GRM1: variants seen among roughly 807,000 people sequenced by gnomAD.
The protein encoded by GRM1 is metabotropic glutamate receptor 1.
Under a neutral mutation model 90.9 loss-of-function variants are expected in GRM1, and 33 were observed. The observed-to-expected ratio is 0.36, with a 90% CI of 0.28 to 0.49. The LOEUF (loss-of-function observed/expected upper bound fraction) is 0.49. Among genes scored for constraint, GRM1 ranks in the 20% least tolerant of loss-of-function variants. The pLI, the probability that GRM1 is intolerant of heterozygous loss-of-function variation, is 0.99. For synonymous variants in GRM1, 700 were observed against 613.2 expected, an observed-to-expected ratio of 1.14 and a Z score of -2.09; for missense variants, 1,190 against 1,534.3, an observed-to-expected ratio of 0.78 and a Z score of 3.75.
At chr6:146,140,241 T>C (rs1309428412) in intron 1 of GRM1, among the ~76,000 whole-genome samples, 4 of 150,370 alleles carry the variant, frequency 2.7e-5, no homozygotes, top group African/African-American at 9.8e-5. Context: ...ATTTCTTGCT[T>C]TTTATTTTTT....
intron 3 of GRM1, among the ~76,000 whole-genome samples, chr6:146,310,231 G>A (rs1447600348): frequency 6.6e-6 from 1 of 152,124 alleles, no homozygotes; most frequent in Non-Finnish European, 1.5e-5. Context: ...ATTTTAGACT[G>A]ATACTAATTT....
chr6:146,434,598 G>C lies in GRM1; in HGVS notation c.3387G>C (p.Glu1129Asp), dbSNP rs752021652. ...AAGACGAACTGGAAGAGGAGGAGGA[G>C]GACCTGCAGGCGGCCAGCAAACTGA... ...TEEDELEEEE[E>D]DLQAASKLTP... is the part of the protein sequence containing the mutation. The change falls in exon 8 of 8, where the codon GAG (glutamate) becomes GAC (aspartate). Residue 1129 changes from glutamate to aspartate, a missense_variant. This residue lies in a region of GRM1 where 400 missense variants were observed against 360.8 expected (regional missense o/e 1.11). Coordinates refer to ENST00000282753, the MANE Select transcript of GRM1 (RefSeq NM_001278064.2). 3 of 1,613,572 alleles carry C rather than the reference G, an allele frequency of 1.9e-6. No individual in the cohort carries two copies. The South Asian group carries it at 3.3e-5, about 18-fold the overall frequency.
intron 2 of GRM1, among the ~76,000 whole-genome samples, chr6:146,218,780 C>T (rs2114669418): frequency 6.6e-6 from 1 of 152,226 alleles, no homozygotes; most frequent in East Asian, 1.9e-4. Flanking sequence ...TCTGGAGGCT[C>T]ACTAGGTGCA....
At chr6:146,433,739 G>C in intron 7 of GRM1, 133 bp from the exon 8 acceptor site, 1 of 708,722 alleles carries the variant, frequency 1.4e-6, no homozygotes, top group South Asian at 1.6e-5. Context: ...GGAGGTATGG[G>C]GTGCTGGAGC....
At chr6:146,269,629 A>G (rs1782039706) in intron 2 of GRM1, among the ~76,000 whole-genome samples, 1 of 152,166 alleles carries the variant, frequency 6.6e-6, no homozygotes, top group Non-Finnish European at 1.5e-5. Flanking sequence ...TTACCACCTG[A>G]GCTGGCCTCC....
At chr6:146,298,422 T>C (rs374557869) in intron 2 of GRM1, among the ~76,000 whole-genome samples, 1 of 152,152 alleles carries the variant, frequency 6.6e-6, no homozygotes, top group East Asian at 1.9e-4. Context: ...CTGAGCCTAT[T>C]GGATGAGTTC....
At chr6:146,033,330 G>T (rs1205606410) in intron 1 of GRM1, among the ~76,000 whole-genome samples, 1 of 151,954 alleles carries the variant, frequency 6.6e-6, no homozygotes, top group African/African-American at 2.4e-5. Flanking sequence ...TCTCAGCCAA[G>T]GACACTATAT....
chr6:146,122,385 C>T (rs1055982106), intron 1 of GRM1, among the ~76,000 whole-genome samples: 1 of 152,136 alleles, frequency 6.6e-6, no homozygotes, highest in East Asian at 1.9e-4. Context: ...CACAAATTTG[C>T]CCCACCCCCA....
chr6:146,270,963 TTC>T (rs1782134926), intron 2 of GRM1, among the ~76,000 whole-genome samples: 2 of 142,308 alleles, frequency 1.4e-5, no homozygotes. Flanking sequence ...CTTTCTTTCT[TTC>T]TTTTTTTTTT....
intron 2 of GRM1, among the ~76,000 whole-genome samples, chr6:146,229,382 T>A (rs1780367563): frequency 6.7e-6 from 1 of 149,898 alleles, no homozygotes; most frequent in Non-Finnish European, 1.5e-5. Flanking sequence ...GTGATTTTCA[T>A]ACTAGATCAG....
intron 3 of GRM1, among the ~76,000 whole-genome samples, chr6:146,326,600 A>C (rs1009762083): frequency 6.6e-6 from 1 of 152,198 alleles, no homozygotes; most frequent in Admixed American, 6.5e-5. Context: ...AAGTTAAAAA[A>C]AAATAAAAGT....
intron 5 of GRM1, among the ~76,000 whole-genome samples, chr6:146,376,300 G>A (rs2115107906): frequency 6.6e-6 from 1 of 152,124 alleles, no homozygotes; most frequent in African/African-American, 2.4e-5. Context: ...TTCTACTTAA[G>A]AGTAGTTTAC....
intron 1 of GRM1, among the ~76,000 whole-genome samples, chr6:146,149,075 T>C (rs1451941141): frequency 6.6e-6 from 1 of 152,206 alleles, no homozygotes; most frequent in Non-Finnish European, 1.5e-5. Flanking sequence ...ATTTCATAAA[T>C]AGCTAACTGA....
rs139502767 is a variant in GRM1 at position 146,223,993 on chromosome 6, G to A, written c.950+64396G>A. Among the ~76,000 whole-genome samples the A allele has an allele frequency of 5.0e-3, 761 of 152,112 alleles. 5 individuals are homozygous for A. The highest frequency in any genetic ancestry group is 0.018 in the African/African-American group (730 of 41,508). The stretch of plus-strand genomic sequence containing the variant: ...GACATTATAGCAGATCCATTTTTAA[G>A]GGTGGAAAAAAACCCAGTATCTTCA... On this transcript the variant is annotated intron_variant, in intron 2 of 7. Coordinates refer to ENST00000282753, the MANE Select transcript of GRM1 (RefSeq NM_001278064.2).
At chr6:146,057,391 C>T (rs1775516313) in intron 1 of GRM1, among the ~76,000 whole-genome samples, 1 of 152,120 alleles carries the variant, frequency 6.6e-6, no homozygotes, top group Non-Finnish European at 1.5e-5. Flanking sequence ...GCACCTCTGT[C>T]TTCACTGATA....
At chr6:146,045,483 A>G (rs1791291394) in intron 1 of GRM1, among the ~76,000 whole-genome samples, 1 of 151,942 alleles carries the variant, frequency 6.6e-6, no homozygotes, top group Non-Finnish European at 1.5e-5. Context: ...GACACTTGGT[A>G]CACATTTGTT....
At chr6:146,351,195 G>A (rs1219196792) in intron 3 of GRM1, among the ~76,000 whole-genome samples, 1 of 152,144 alleles carries the variant, frequency 6.6e-6, no homozygotes, top group African/African-American at 2.4e-5. Context: ...GGAGTGTGAG[G>A]AGCCCCATGT....
intron 1 of GRM1, among the ~76,000 whole-genome samples, chr6:146,147,955 A>G (rs1222528783): frequency 6.6e-6 from 1 of 152,258 alleles, no homozygotes; most frequent in Non-Finnish European, 1.5e-5. Flanking sequence ...ATCAGATTTC[A>G]GGATTTCTAT....
At chr6:146,232,234 C>T in intron 2 of GRM1, among the ~76,000 whole-genome samples, 1 of 152,006 alleles carries the variant, frequency 6.6e-6, no homozygotes, top group African/African-American at 2.4e-5. Flanking sequence ...TTCTAGAGGC[C>T]AGAAGTCAGA....
Sources: gnomAD v4.1 joint callset for allele counts (sites outside exome capture counted in the v4.1 genomes callset) on GRCh38, gnomAD v4.1.1 for gene constraint, gnomAD v4.1.1 regional missense constraint, MANE v1.5 for transcripts, NCBI Gene and HGNC (gene_info 2026-07-23, HGNC 2026-07-21) for gene names.